KLHL4: variants seen among roughly 807,000 people sequenced by gnomAD.
KLHL4 encodes the protein kelch like family member 4, also known as kelch-like protein 4.
A neutral mutation model predicts 45.8 loss-of-function variants in KLHL4; 17 were observed. That is an observed-to-expected ratio of 0.37 (90% CI 0.25 to 0.56). KLHL4 has a LOEUF of 0.56. Ranked by LOEUF, KLHL4 falls within the 20% of genes least tolerant of loss-of-function variation. The pLI is 0.79. For synonymous variants in KLHL4, 224 were observed against 189.9 expected (o/e 1.18, Z -1.47); for missense variants, 544 against 544.9 (o/e 1.00, Z 0.02).
chrX:87,582,889 C>T (rs985900564), intron 1 of KLHL4, among the ~76,000 whole-genome samples: 2 of 111,808 alleles, frequency 1.8e-5, no homozygotes, highest in African/African-American at 6.5e-5. Context: ...GAGTGGGTAG[C>T]CACTGCTGGC....
At chrX:87,616,619 C>A (rs1212907430) in intron 3 of KLHL4, among the ~76,000 whole-genome samples, 1 of 111,899 alleles carries the variant, frequency 8.9e-6, no homozygotes, top group East Asian at 2.8e-4. Flanking sequence ...ATGCTTGTAA[C>A]TGAATACTGT....
chrX:87,595,175 C>T (rs1440433166), intron 1 of KLHL4, among the ~76,000 whole-genome samples: 1 of 111,087 alleles, frequency 9.0e-6, no homozygotes, highest in Non-Finnish European at 1.9e-5. Context: ...GCCCCCTCCC[C>T]CAACCCCACA....
intron 9 of KLHL4, among the ~76,000 whole-genome samples, chrX:87,652,956 G>A (rs1411028024): frequency 1.8e-5 from 2 of 112,254 alleles, no homozygotes; most frequent in Admixed American, 9.4e-5. Flanking sequence ...GGCAGAAGGT[G>A]AAAGGCACTT....
intron 3 of KLHL4, among the ~76,000 whole-genome samples, chrX:87,616,562 T>G (rs1922563693): frequency 8.9e-6 from 1 of 111,815 alleles, no homozygotes; most frequent in Non-Finnish European, 1.9e-5. Context: ...CCTTTTACTC[T>G]TTAATGAAGT....
chrX:87,565,526 G>A (rs868686344), intron 1 of KLHL4, among the ~76,000 whole-genome samples: 2 of 109,642 alleles, frequency 1.8e-5, no homozygotes, highest in African/African-American at 3.3e-5. Context: ...CCAAGAATTT[G>A]AGACCAGCCT....
intron 1 of KLHL4, among the ~76,000 whole-genome samples, chrX:87,575,026 T>A (rs1344466236): frequency 8.9e-6 from 1 of 112,234 alleles, no homozygotes; most frequent in African/African-American, 3.2e-5. Flanking sequence ...GAAGAAATTG[T>A]CATCCACAGT....
intron 1 of KLHL4, among the ~76,000 whole-genome samples, chrX:87,592,769 T>A (rs1921713639): frequency 8.9e-6 from 1 of 112,437 alleles, no homozygotes. Context: ...TTGTTAGATT[T>A]ATTTCCTGTT....
intron 1 of KLHL4, among the ~76,000 whole-genome samples, chrX:87,531,563 G>A (rs1158918296): frequency 9.3e-6 from 1 of 107,597 alleles, no homozygotes; most frequent in African/African-American, 3.4e-5. Flanking sequence ...CAGATGACAT[G>A]ATTGTATATC....
At chrX:87,570,827 G>T (rs1352735344) in intron 1 of KLHL4, among the ~76,000 whole-genome samples, 2 of 111,005 alleles carry the variant, frequency 1.8e-5, no homozygotes, top group African/African-American at 3.3e-5. Flanking sequence ...AAGTATAGAA[G>T]TTCAAGGATT....
chrX:87,608,561 GA>G (rs756963613), intron 1 of KLHL4, among the ~76,000 whole-genome samples: 3 of 110,177 alleles, frequency 2.7e-5, no homozygotes, highest in African/African-American at 9.9e-5. Context: ...CCGGGGTAAA[GA>G]AAAGAGATTT....
At chrX:87,611,647 C>T (rs1416907792) in intron 1 of KLHL4, among the ~76,000 whole-genome samples, 1 of 63,719 alleles carries the variant, frequency 1.6e-5, no homozygotes, top group East Asian at 4.0e-4. Context: ...GACTATGTTA[C>T]TGGTTTAAGT....
intron 1 of KLHL4, among the ~76,000 whole-genome samples, chrX:87,596,892 A>G (rs960252542): frequency 8.9e-6 from 1 of 112,416 alleles, no homozygotes; most frequent in Non-Finnish European, 1.9e-5. Flanking sequence ...AAGATTTAAT[A>G]TATGATTTAT....
At chrX:87,532,291 A>G (rs1175844726) in intron 1 of KLHL4, among the ~76,000 whole-genome samples, 1 of 110,525 alleles carries the variant, frequency 9.0e-6, no homozygotes, top group Non-Finnish European at 1.9e-5. Context: ...CCATTGATCT[A>G]TATTTCTGTT....
intron 1 of KLHL4, among the ~76,000 whole-genome samples, chrX:87,543,966 T>C (rs2147774506): frequency 9.0e-6 from 1 of 111,144 alleles, no homozygotes; most frequent in South Asian, 3.9e-4. Flanking sequence ...ACTTCTTGAC[T>C]TCAGGTATCA....
intron 1 of KLHL4, among the ~76,000 whole-genome samples, chrX:87,531,773 A>T (rs1462567540): frequency 1.0e-5 from 1 of 97,234 alleles, no homozygotes; most frequent in Non-Finnish European, 2.0e-5. Context: ...TCCAACTTAC[A>T]AGGGATGTCA....
At chrX:87,644,709 A>G (rs761830149) in intron 9 of KLHL4, among the ~76,000 whole-genome samples, 1 of 112,011 alleles carries the variant, frequency 8.9e-6, no homozygotes, top group East Asian at 2.8e-4. Flanking sequence ...AAATAGGCAC[A>G]TAGACCAGTG....
At chrX:87,665,073 A>C (rs1299223049) in intron 10 of KLHL4, 138 bp downstream of exon 10, 1 of 410,115 alleles carries the variant, frequency 2.4e-6, no homozygotes, top group Non-Finnish European at 4.1e-6. Context: ...TATGTGCTCT[A>C]TCTATGCCTT....
chrX:87,646,818 C>G (rs1197542135), intron 9 of KLHL4, among the ~76,000 whole-genome samples: 1 of 111,462 alleles, frequency 9.0e-6, no homozygotes, highest in Non-Finnish European at 1.9e-5. Context: ...ATTGCAAAAA[C>G]CCTTCTAGAC....
intron 9 of KLHL4, among the ~76,000 whole-genome samples, chrX:87,654,065 G>T (rs1009370322): frequency 1.1e-4 from 12 of 110,953 alleles, no homozygotes; most frequent in African/African-American, 3.6e-4. Flanking sequence ...GATAGGTGCA[G>T]CAAACCACCG....
Sources: gnomAD v4.1 joint callset for allele counts (sites outside exome capture counted in the v4.1 genomes callset) on GRCh38, gnomAD v4.1.1 for gene constraint, MANE v1.5 for transcripts, NCBI Gene and HGNC (gene_info 2026-07-23, HGNC 2026-07-21) for gene names.